PDE8A: variants seen among roughly 807,000 people sequenced by gnomAD.
PDE8A encodes the protein phosphodiesterase 8A.
A neutral mutation model predicts 105.0 loss-of-function variants in PDE8A; 59 were observed. The observed-to-expected ratio is 0.56, with a 90% CI of 0.46 to 0.70. The LOEUF is 0.70. Ranked by LOEUF, PDE8A falls within the 30% of genes least tolerant of loss-of-function variation. The probability of loss-of-function intolerance (pLI) is 0.00; values close to 1 mark genes in which losing one functional copy is unlikely to be tolerated. For missense variants in PDE8A, 1,014 were observed against 1,045.9 expected (o/e 0.97, Z 0.42); for synonymous variants, 355 against 371.9 (o/e 0.95, Z 0.52).
intron 20 of PDE8A, among the ~76,000 whole-genome samples, chr15:85,133,160 A>G (rs1016408352): frequency 4.6e-5 from 7 of 152,114 alleles, no homozygotes; most frequent in Admixed American, 1.3e-4. Flanking sequence ...ATTCCCCTAT[A>G]TACACAGCTG....
intron 1 of PDE8A, among the ~76,000 whole-genome samples, chr15:84,998,311 G>T (rs1056093105): frequency 6.6e-6 from 1 of 152,160 alleles, no homozygotes; most frequent in African/African-American, 2.4e-5. Context: ...ATATTCATGG[G>T]AAGTGAACCA....
At chr15:85,066,574 TC>T (rs1371173244) in intron 2 of PDE8A, among the ~76,000 whole-genome samples, 1 of 84,394 alleles carries the variant, frequency 1.2e-5, no homozygotes, top group East Asian at 3.3e-4. Context: ...CCACCCACCA[TC>T]CCCCCAAAAC....
intron 1 of PDE8A, among the ~76,000 whole-genome samples, chr15:85,050,763 G>A (rs558285655): frequency 1.3e-5 from 2 of 152,056 alleles, no homozygotes; most frequent in African/African-American, 4.8e-5. Flanking sequence ...CTTCAGTTAT[G>A]TTCTTTTCAG....
intron 19 of PDE8A, among the ~76,000 whole-genome samples, chr15:85,123,737 A>G (rs1168124561): frequency 1.3e-5 from 2 of 152,228 alleles, no homozygotes; most frequent in South Asian, 2.1e-4. Context: ...CTTCAATCCA[A>G]TCAAGTTGAC....
At chr15:85,075,999 C>T (rs890282294) in intron 4 of PDE8A, 81 bp downstream of exon 4, 13 of 753,468 alleles carry the variant, frequency 1.7e-5, no homozygotes, top group Non-Finnish European at 2.8e-5. Context: ...TAACAGCTTG[C>T]ATGCTGTGTC....
chr15:85,034,740 GTC>G (rs1342942205), intron 1 of PDE8A, among the ~76,000 whole-genome samples: 2 of 152,126 alleles, frequency 1.3e-5, no homozygotes, highest in Non-Finnish European at 2.9e-5. Flanking sequence ...TAGAGACAGG[GTC>G]TCACTATGTT....
chr15:84,989,001 CAGAA>C (rs2079845822), intron 1 of PDE8A, among the ~76,000 whole-genome samples: 1 of 152,214 alleles, frequency 6.6e-6, no homozygotes. Flanking sequence ...TGTGTTTTAA[CAGAA>C]AGCTAAAATA....
chr15:85,081,124 G>A (rs975147160), intron 5 of PDE8A, among the ~76,000 whole-genome samples: 2 of 152,250 alleles, frequency 1.3e-5, no homozygotes, highest in South Asian at 4.1e-4. Context: ...AGTCATGGCT[G>A]TAGGCGGTGG....
intron 1 of PDE8A, among the ~76,000 whole-genome samples, chr15:84,983,247 A>G (rs999427916): frequency 1.3e-5 from 2 of 152,196 alleles, no homozygotes; most frequent in Non-Finnish European, 2.9e-5. Context: ...GCGTTGGTTT[A>G]TGTTTTGTTA....
intron 1 of PDE8A, among the ~76,000 whole-genome samples, chr15:85,012,642 T>C (rs976425148): frequency 3.3e-5 from 5 of 151,688 alleles, no homozygotes; most frequent in African/African-American, 1.2e-4. Context: ...GGCACATGTA[T>C]ACATATGTAA....
At chr15:85,054,789 G>GT (rs1044046811) in intron 1 of PDE8A, among the ~76,000 whole-genome samples, 3 of 152,246 alleles carry the variant, frequency 2.0e-5, no homozygotes, top group Non-Finnish European at 2.9e-5. Flanking sequence ...TTTTTGAAGA[G>GT]TTTTTTGTGT....
chr15:85,041,662 G>T (rs1440517110), intron 1 of PDE8A, among the ~76,000 whole-genome samples: 1 of 152,182 alleles, frequency 6.6e-6, no homozygotes, highest in African/African-American at 2.4e-5. Flanking sequence ...TTCTGGTCAA[G>T]ATTTTGCCTT....
intron 15 of PDE8A, 178 bp downstream of exon 15, chr15:85,115,665 C>T (rs1047486477): frequency 4.5e-5 from 25 of 549,852 alleles, no homozygotes; most frequent in South Asian, 3.0e-4. Context: ...TAATCCTGGC[C>T]GGGAGCGGTG....
At chr15:85,056,510 T>C (rs1355722081) in intron 1 of PDE8A, among the ~76,000 whole-genome samples, 3 of 152,156 alleles carry the variant, frequency 2.0e-5, no homozygotes, top group Non-Finnish European at 2.9e-5. Flanking sequence ...GTTCGTTTCT[T>C]TTTACTCATT....
intron 12 of PDE8A, 46 bp downstream of exon 12, chr15:85,109,176 G>C (rs780118828): frequency 1.5e-6 from 2 of 1,307,268 alleles, no homozygotes; most frequent in South Asian, 1.2e-5. Flanking sequence ...AATCACTGTT[G>C]AACACATGGA....
intron 2 of PDE8A, among the ~76,000 whole-genome samples, chr15:85,066,358 C>A (rs1294030473): frequency 6.6e-6 from 1 of 151,942 alleles, no homozygotes; most frequent in African/African-American, 2.4e-5. Context: ...TCCAGGAGTT[C>A]TAGACTAGCC....
In PDE8A at chr15:84,997,289, G is replaced by A. The variant is rs531976876; in HGVS notation, c.186+14941G>A. On this transcript the variant is annotated intron_variant, in intron 1 of 21. Transcript: ENST00000394553. ...GCTTACTGCAACCTCTGTCTCCTGG[G>A]CTCAAGTGATCCTCCCACCTTAGCC... 5.9e-5 allele frequency among the ~76,000 whole-genome samples: 9 copies of A among 151,986 alleles called. 1 individual carries two copies. In the South Asian group the frequency reaches 1.9e-3, roughly 32 times the overall value.
chr15:85,113,829 T>C (rs753916211), intron 13 of PDE8A, 44 bp from the exon 14 acceptor site: 3 of 1,497,000 alleles, frequency 2.0e-6, no homozygotes, highest in Non-Finnish European at 2.8e-6. Flanking sequence ...TCTCCCACTG[T>C]TTTTAAGGTT....
chr15:85,114,126 G>C (rs2082060505), intron 14 of PDE8A, 89 bp downstream of exon 14: 4 of 1,114,764 alleles, frequency 3.6e-6, no homozygotes, highest in Non-Finnish European at 5.3e-6. Context: ...ATATTGAAGA[G>C]GCAGGCAGGG....
Sources: allele counts gnomAD v4.1 joint callset (sites outside exome capture counted in the v4.1 genomes callset), GRCh38; gene constraint gnomAD v4.1.1; transcripts MANE v1.5; gene names NCBI Gene and HGNC (gene_info 2026-07-23, HGNC 2026-07-21).